Variants in PARP4 observed in about 807,000 individuals in gnomAD.
PARP4 encodes protein mono-ADP-ribosyltransferase PARP4.
A neutral mutation model predicts 187.7 loss-of-function variants in PARP4; 120 were observed. The ratio of observed to expected loss-of-function variants is 0.64; its 90% CI spans 0.55 to 0.74. The LOEUF (loss-of-function observed/expected upper bound fraction) is 0.74, where lower values mean the gene tolerates loss of function less well. PARP4 is among the 30% of genes least tolerant of loss of function. The pLI is 0.00. For missense variants in PARP4, 1,836 were observed against 2,070.5 expected (o/e 0.89, Z 2.20); for synonymous variants, 654 against 740.9 (o/e 0.88, Z 1.90).
chr13:24,454,142 C>T (rs1443290333), intron 22 of PARP4, among the ~76,000 whole-genome samples: 2 of 151,742 alleles, frequency 1.3e-5, no homozygotes, highest in African/African-American at 2.4e-5. Flanking sequence ...CTAAATGATA[C>T]ATCATAGAGC....
At chr13:24,449,222 A>G (rs1871373954) in intron 25 of PARP4, among the ~76,000 whole-genome samples, 1 of 152,050 alleles carries the variant, frequency 6.6e-6, no homozygotes, top group Admixed American at 6.6e-5. Context: ...CCCCATCTCT[A>G]CTAAAAATAC....
intron 11 of PARP4, among the ~76,000 whole-genome samples, chr13:24,485,859 T>G (rs1387525065): frequency 1.3e-5 from 2 of 152,180 alleles, no homozygotes; most frequent in African/African-American, 4.8e-5. Context: ...TACATAATTT[T>G]TCAAAATAGA....
chr13:24,443,453 C>T (rs7330532), intron 28 of PARP4, among the ~76,000 whole-genome samples, 197 bp downstream of exon 28: 59,278 of 150,634 alleles, frequency 0.39, 11,889 homozygotes, highest in African/African-American at 0.46. Context: ...TGACATCCAT[C>T]CTTTTGTTAA....
At chr13:24,512,010 C>T (rs759297210) in intron 1 of PARP4, among the ~76,000 whole-genome samples, 2 of 152,348 alleles carry the variant, frequency 1.3e-5, no homozygotes, top group Non-Finnish European at 2.9e-5. Flanking sequence ...GCAACACGCA[C>T]ATCTCAGAGC....
intron 1 of PARP4, among the ~76,000 whole-genome samples, chr13:24,505,727 G>C (rs779928899): frequency 6.6e-6 from 1 of 152,158 alleles, no homozygotes; most frequent in African/African-American, 2.4e-5. Context: ...ACAGGGTTTC[G>C]CTATGTTGCC....
intron 33 of PARP4, among the ~76,000 whole-genome samples, chr13:24,422,015 G>A (rs1286097965): frequency 6.6e-6 from 1 of 152,154 alleles, no homozygotes; most frequent in Admixed American, 6.6e-5. Flanking sequence ...ATTCTATGGG[G>A]AAACTTAATA....
intron 17 of PARP4, among the ~76,000 whole-genome samples, chr13:24,464,826 G>A (rs1317657296): frequency 6.6e-6 from 1 of 152,016 alleles, no homozygotes; most frequent in Non-Finnish European, 1.5e-5. Context: ...CTTCTGCACA[G>A]CAAAAGAAAC....
At chr13:24,480,098 G>A (rs576552487) in intron 12 of PARP4, among the ~76,000 whole-genome samples, 22 of 152,310 alleles carry the variant, frequency 1.4e-4, no homozygotes, top group Admixed American at 2.0e-4. Context: ...TGGACACGCC[G>A]CCTTTAGGAA....
intron 30 of PARP4, among the ~76,000 whole-genome samples, chr13:24,435,980 C>T (rs1870619279): frequency 6.6e-6 from 1 of 150,528 alleles, no homozygotes; most frequent in Admixed American, 6.7e-5. Flanking sequence ...AAGATCATTT[C>T]AGTACAAGGC....
At chr13:24,448,307 C>T (rs184984434) in intron 25 of PARP4, among the ~76,000 whole-genome samples, 379 of 152,160 alleles carry the variant, frequency 2.5e-3, no homozygotes, top group African/African-American at 8.5e-3. Flanking sequence ...ACTCTGGAGG[C>T]TGAGGTGGGA....
intron 1 of PARP4, among the ~76,000 whole-genome samples, chr13:24,510,469 G>A (rs1198876301): frequency 6.7e-6 from 1 of 148,570 alleles, no homozygotes; most frequent in Non-Finnish European, 1.5e-5. Context: ...CAGGGGAATG[G>A]CGTGAACCCG....
chr13:24,478,359 A>C (rs1002834659), intron 12 of PARP4, 83 bp from the exon 13 acceptor site: 31 of 860,710 alleles, frequency 3.6e-5, no homozygotes, highest in Non-Finnish European at 3.0e-5. Flanking sequence ...TTTCCTGGTA[A>C]ACTGTTCTAA....
chr13:24,470,023 G>T lies in PARP4; in HGVS notation c.1917C>A (p.Val639=). ...TATTTGTGTATGTCTGAAAAACAATGACCTGAAGAAGAAAAAAAATCCATA... is the reference window on the plus strand; with the variant it reads ...TATTTGTGTATGTCTGAAAAACAATTACCTGAAGAAGAAAAAAAATCCATA... ...KGRIIDTVAQ[V]IVFQTYTNKS... Residue 639 remains valine (V), a splice_region_variant and synonymous_variant, in exon 16 of 34, where the codon GTC becomes GTA. Coordinates refer to ENST00000381989, the MANE Select transcript of PARP4 (RefSeq NM_006437.4). 2 of 1,611,628 alleles carry T rather than the reference G, an allele frequency of 1.2e-6. No homozygotes were observed. The highest frequency in any genetic ancestry group is 2.2e-5 in the South Asian group (2 of 90,850).
chr13:24,437,914 T>C (rs1193554180), intron 30 of PARP4, among the ~76,000 whole-genome samples: 1 of 152,048 alleles, frequency 6.6e-6, no homozygotes, highest in Non-Finnish European at 1.5e-5. Flanking sequence ...AAACTCCTTC[T>C]TGAATAGTAT....
chr13:24,471,008 A>C (rs1467452612), intron 15 of PARP4, among the ~76,000 whole-genome samples: 6 of 152,122 alleles, frequency 3.9e-5, no homozygotes, highest in Non-Finnish European at 5.9e-5. Context: ...ACCCAAGAGG[A>C]GGCAAACGTG....
At chr13:24,485,793 G>A (rs1593638889) in intron 11 of PARP4, among the ~76,000 whole-genome samples, 2 of 152,222 alleles carry the variant, frequency 1.3e-5, no homozygotes, top group South Asian at 2.1e-4. Flanking sequence ...TTCTTCATAC[G>A]ATACAGTCTT....
At chr13:24,435,994 C>T (rs1870620190) in intron 30 of PARP4, among the ~76,000 whole-genome samples, 1 of 147,312 alleles carries the variant, frequency 6.8e-6, no homozygotes, top group East Asian at 2.1e-4. Context: ...ACAAGGCTGT[C>T]TATTTCTAGA....
intron 4 of PARP4, among the ~76,000 whole-genome samples, chr13:24,499,853 G>A (rs1869174600): frequency 6.6e-6 from 1 of 152,112 alleles, no homozygotes; most frequent in Non-Finnish European, 1.5e-5. Context: ...AATACAACAA[G>A]ATTGAATGTG....
At chr13:24,448,378 A>G (rs1871319398) in intron 25 of PARP4, among the ~76,000 whole-genome samples, 1 of 152,098 alleles carries the variant, frequency 6.6e-6, no homozygotes, top group Admixed American at 6.6e-5. Context: ...ACTGTACTCC[A>G]GCCTAGATGA....
Sources: allele counts gnomAD v4.1 joint callset (sites outside exome capture counted in the v4.1 genomes callset), GRCh38; gene constraint gnomAD v4.1.1; transcripts MANE v1.5; gene names NCBI Gene and HGNC (gene_info 2026-07-23, HGNC 2026-07-21).